Variants in ADGB observed in about 807,000 individuals in gnomAD.
ADGB encodes calpain-7-like protein.
A neutral mutation model predicts 210.5 loss-of-function variants in ADGB; 172 were observed. The observed-to-expected ratio is 0.82, with a 90% confidence interval of 0.72 to 0.93. The LOEUF is 0.93. ADGB is among the 40% of genes least tolerant of loss of function. The pLI, the probability that ADGB is intolerant of heterozygous loss-of-function variation, is 0.00. For missense variants in ADGB, 2,025 were observed against 1,964.8 expected (o/e 1.03, Z -0.58); for synonymous variants, 658 against 662.7 (o/e 0.99, Z 0.11).
chr6:146,622,691 T>C (rs1272500833), intron 1 of ADGB, among the ~76,000 whole-genome samples: 1 of 152,102 alleles, frequency 6.6e-6, no homozygotes, highest in Admixed American at 6.6e-5. Flanking sequence ...TTTATTCTAT[T>C]AATAGTGTCC....
chr6:146,640,285 CA>C (rs1775487595), intron 2 of ADGB, among the ~76,000 whole-genome samples: 2 of 151,832 alleles, frequency 1.3e-5, no homozygotes, highest in Admixed American at 6.6e-5. Flanking sequence ...ACCAACCAAA[CA>C]AAAGCTCGGG....
At chr6:146,758,431 C>T (rs957568881) in intron 27 of ADGB, among the ~76,000 whole-genome samples, 2 of 152,054 alleles carry the variant, frequency 1.3e-5, no homozygotes, top group Middle Eastern at 3.4e-3. Flanking sequence ...TTTTTAGTTT[C>T]AAATTCTTGC....
At chr6:146,701,535 T>C (rs774269759) in intron 13 of ADGB, among the ~76,000 whole-genome samples, 42 of 152,086 alleles carry the variant, frequency 2.8e-4, no homozygotes, top group South Asian at 6.2e-4. Context: ...TTCTTGCTTT[T>C]TGTTTCTTAC....
intron 13 of ADGB, among the ~76,000 whole-genome samples, chr6:146,710,965 A>G (rs1253364577): frequency 6.6e-6 from 1 of 152,184 alleles, no homozygotes; most frequent in Non-Finnish European, 1.5e-5. Flanking sequence ...AGCAAACACC[A>G]TGACATATTT....
At chr6:146,734,690 G>A (rs932436644) in intron 22 of ADGB, among the ~76,000 whole-genome samples, 1 of 152,114 alleles carries the variant, frequency 6.6e-6, no homozygotes. Flanking sequence ...GGGGCAGATT[G>A]CTTGAGCTCT....
At chr6:146,725,917 C>A (rs1224395851) in intron 18 of ADGB, 166 bp from the exon 19 acceptor site, 1 of 514,824 alleles carries the variant, frequency 1.9e-6, no homozygotes, top group Non-Finnish European at 3.5e-6. Flanking sequence ...CCGTAGGGTT[C>A]TTATAGAGTG....
chr6:146,715,278 T>C, intron 13 of ADGB, 104 bp from the exon 14 acceptor site: 1 of 1,025,950 alleles, frequency 9.7e-7, no homozygotes, highest in Non-Finnish European at 1.4e-6. Context: ...AAAATCTATT[T>C]CTTCAAAGTT....
At chr6:146,698,860 C>T (rs1278614318) in intron 12 of ADGB, among the ~76,000 whole-genome samples, 1 of 151,964 alleles carries the variant, frequency 6.6e-6, no homozygotes, top group Non-Finnish European at 1.5e-5. Flanking sequence ...GTAGCTGGGA[C>T]TACAGGCATG....
chr6:146,689,431 C>A (rs1341760329), intron 10 of ADGB, among the ~76,000 whole-genome samples: 1 of 152,066 alleles, frequency 6.6e-6, no homozygotes, highest in African/African-American at 2.4e-5. Context: ...GTGCCAAAAT[C>A]ATGTTAGTAC....
chr6:146,793,404 G>A (rs1205288426), intron 33 of ADGB, among the ~76,000 whole-genome samples: 4 of 152,186 alleles, frequency 2.6e-5, no homozygotes, highest in African/African-American at 9.7e-5. Flanking sequence ...CTGGGAATGG[G>A]GTGATGACCA....
Position 146,721,487 on chromosome 6 carries a change from C to T in ADGB, c.2077C>T (p.Arg693Cys), listed in dbSNP as rs1209148162. 50 of 1,547,666 alleles carry T rather than the reference C, an allele frequency of 3.2e-5. No homozygotes were observed. The highest frequency in any genetic ancestry group is 3.3e-4 in the Middle Eastern group (2 of 6,010). Residue 693 changes from arginine to cysteine, a missense_variant, in exon 17 of 36, where the codon CGC (arginine) becomes TGC (cysteine). Arg to Cys is a radical substitution (Grantham distance 180). Transcript: ENST00000397944. ...ELLVCFSALV[R>C]WGEYGALTKD... ...ACTGGTTTGCTTTTCTGCATTGGTA[C>T]GCTGGGGGGAGTATGGAGGTAAGAG...
chr6:146,771,342 G>A (rs1562297004), intron 29 of ADGB, among the ~76,000 whole-genome samples: 1 of 151,062 alleles, frequency 6.6e-6, no homozygotes. Context: ...TTTTGCAGTT[G>A]ACCACCCACA....
At chr6:146,623,842 AT>A (rs1024024929) in intron 1 of ADGB, among the ~76,000 whole-genome samples, 4 of 151,666 alleles carry the variant, frequency 2.6e-5, no homozygotes, top group Non-Finnish European at 5.9e-5. Context: ...GATGATCATA[AT>A]TTTTTTTAGT....
Position 146,728,846 on chromosome 6 carries a change from G to T in ADGB, c.2520+105G>T. On this transcript the variant is annotated intron_variant, in intron 20 of 35. Coordinates refer to ENST00000397944, the MANE Select transcript of ADGB (RefSeq NM_024694.4). Reference sequence around the variant, plus strand: ...AAATCAGAGCCAGAGAAAATATTTTGGATGGAGATAATATATTTGGGAAGT... The same window carrying T: ...AAATCAGAGCCAGAGAAAATATTTTTGATGGAGATAATATATTTGGGAAGT... The T allele has an allele frequency of 6.3e-6, 6 of 945,606 alleles. No homozygotes were observed. In the East Asian group the frequency reaches 1.4e-4, roughly 21 times the overall value. The allele number at this position is 945,606 out of a possible 1,614,324, so 58.6% of individuals were successfully genotyped here.
chr6:146,706,995 A>G (rs1776583284), intron 13 of ADGB, among the ~76,000 whole-genome samples: 1 of 150,964 alleles, frequency 6.6e-6, no homozygotes, highest in Non-Finnish European at 1.5e-5. Flanking sequence ...TCTTCTTTAA[A>G]TTTCCCTCTT....
chr6:146,770,761 C>T (rs1777639455), intron 29 of ADGB, among the ~76,000 whole-genome samples: 1 of 152,090 alleles, frequency 6.6e-6, no homozygotes, highest in Admixed American at 6.6e-5. Flanking sequence ...ACAGAGTCGC[C>T]GCCTCTTTGC....
Position 146,741,146 on chromosome 6 carries a change from AT to A in ADGB, c.3056del (p.Leu1019TrpfsTer57). 1 of 1,532,350 alleles carries A rather than the reference AT, an allele frequency of 6.5e-7. No individual in the cohort carries two copies. The highest frequency in any genetic ancestry group is 8.8e-7 in the Non-Finnish European group (1 of 1,138,950). The allele number at this position is 1,532,350 out of a possible 1,614,324, so 94.9% of individuals were successfully genotyped here. On this transcript the variant is annotated frameshift_variant, in exon 25 of 36. Coordinates refer to ENST00000397944, the MANE Select transcript of ADGB (RefSeq NM_024694.4). LOFTEE classifies it high-confidence loss of function. The stretch of plus-strand genomic sequence containing the variant: ...AACATTTTTGGTTCATCAAGACATG[AT>A]TTTGGTTCCCAAAGTATATACTACA... ...RETFLVHQDM[I>X]LVPKVYTTLP...
Position 146,815,186 on chromosome 6 carries a change from C to T in ADGB, c.4973C>T (p.Thr1658Ile). 6.6e-7 allele frequency: 1 copy of T among 1,505,746 alleles called. No individual in the cohort carries two copies. Among genetic ancestry groups the T allele is most frequent in the Non-Finnish European group, 8.8e-7 (1 of 1,134,380 alleles). 93.3% of individuals were successfully genotyped at this position (1,505,746 alleles called of 1,614,324 possible). A position where few individuals can be genotyped will look rare whatever the true frequency, so the allele number is the denominator to read the frequency against. The change falls in exon 36 of 36, where the codon ACA (threonine) becomes ATA (isoleucine). Residue 1658 changes from threonine to isoleucine, a missense_variant. Thr to Ile is a moderately conservative substitution (Grantham distance 89). Coordinates refer to ENST00000397944, the MANE Select transcript of ADGB (RefSeq NM_024694.4). ...GAAAAGATGACCCCAGCTCCTGACA[C>T]ACAGAAAAAAAAGAAAGGAAAGAAA... The part of the protein sequence containing the change: ...ETEKMTPAPD[T>I]QKKKKGKKK
At chr6:146,672,172 A>G in intron 7 of ADGB, 48 bp from the exon 8 acceptor site, 1 of 1,441,668 alleles carries the variant, frequency 6.9e-7, no homozygotes, top group Non-Finnish European at 9.2e-7. Context: ...AGTTCAAGGA[A>G]AAAAAAAAAC....
Sources: gnomAD v4.1 joint callset for allele counts (sites outside exome capture counted in the v4.1 genomes callset) on GRCh38, gnomAD v4.1.1 for gene constraint, MANE v1.5 for transcripts, NCBI Gene and HGNC (gene_info 2026-07-23, HGNC 2026-07-21) for gene names.